DOCK3: variants seen among roughly 807,000 people sequenced by gnomAD.
DOCK3 encodes the protein dedicator of cytokinesis protein 3.
Under a neutral mutation model 265.6 loss-of-function variants are expected in DOCK3, and 60 were observed. The observed-to-expected ratio is 0.23, with a 90% confidence interval of 0.18 to 0.28. DOCK3 has a LOEUF of 0.28. Ranked by LOEUF, DOCK3 falls within the 10% of genes least tolerant of loss-of-function variation. DOCK3 has a pLI of 1.00. For missense variants in DOCK3, 1,981 were observed against 2,594.3 expected (o/e 0.76, Z 5.14); for synonymous variants, 881 against 938.0 (o/e 0.94, Z 1.11).
chr3:51,268,079 G>C (rs563983954), intron 23 of DOCK3, among the ~76,000 whole-genome samples: 2 of 152,022 alleles, frequency 1.3e-5, no homozygotes, highest in African/African-American at 4.8e-5. Context: ...ACCATGGCAC[G>C]TGTATACTTA....
At chr3:50,800,057 T>C (rs1324640469) in intron 2 of DOCK3, among the ~76,000 whole-genome samples, 1 of 152,222 alleles carries the variant, frequency 6.6e-6, no homozygotes, top group Non-Finnish European at 1.5e-5. Flanking sequence ...CACTTGGTTA[T>C]GGTTATCTTT....
At chr3:50,811,903 A>G (rs1021387776) in intron 2 of DOCK3, among the ~76,000 whole-genome samples, 15 of 152,244 alleles carry the variant, frequency 9.9e-5, no homozygotes, top group African/African-American at 3.1e-4. Flanking sequence ...AAGGGCTAAA[A>G]TAAGACTCAA....
chr3:50,978,724 G>T (rs1292369145), intron 5 of DOCK3, among the ~76,000 whole-genome samples: 3 of 152,226 alleles, frequency 2.0e-5, no homozygotes, highest in East Asian at 3.8e-4. Flanking sequence ...CTGGGCAATG[G>T]CGGGCGCCCC....
At chr3:51,372,517 C>T (rs1161966383) in intron 49 of DOCK3, among the ~76,000 whole-genome samples, 3 of 152,214 alleles carry the variant, frequency 2.0e-5, no homozygotes, top group African/African-American at 4.8e-5. Context: ...TATCTCCATC[C>T]TAACCCCCTC....
intron 5 of DOCK3, among the ~76,000 whole-genome samples, chr3:50,967,130 T>C (rs569973910): frequency 2.0e-5 from 3 of 152,306 alleles, no homozygotes; most frequent in Admixed American, 2.0e-4. Flanking sequence ...CTAGAACTTA[T>C]TCATTTAACT....
chr3:51,252,049 G>T (rs1212187729), intron 22 of DOCK3, among the ~76,000 whole-genome samples: 12 of 152,160 alleles, frequency 7.9e-5, no homozygotes, highest in Non-Finnish European at 4.4e-5. Context: ...TAAGGTGTAA[G>T]GAAGGGATCC....
chr3:50,779,735 A>G (rs2041820118), intron 2 of DOCK3, among the ~76,000 whole-genome samples: 1 of 152,196 alleles, frequency 6.6e-6, no homozygotes, highest in Non-Finnish European at 1.5e-5. Flanking sequence ...TCTGTGGCAT[A>G]TATGGGTATT....
Position 50,788,264 on chromosome 3 carries a change from G to A in DOCK3, c.121+9506G>A, listed in dbSNP as rs576886472. Reference sequence around the variant, plus strand: ...GCACAGTTTTCAACCAGCTCCTGACGAGAAGTGGCTGTGTGCCTCATTGGT... The same window carrying A: ...GCACAGTTTTCAACCAGCTCCTGACAAGAAGTGGCTGTGTGCCTCATTGGT... On this transcript the variant is annotated intron_variant, in intron 2 of 52. Coordinates refer to ENST00000266037, the MANE Select transcript of DOCK3 (RefSeq NM_004947.5). The A allele has an allele frequency of 2.1e-5, 13 of 608,802 alleles. 2 individuals carry two copies. The East Asian group carries it at 2.6e-4, about 12-fold the overall frequency. 37.7% of individuals were successfully genotyped at this position (608,802 alleles called of 1,614,324 possible).
At chr3:50,682,807 C>T (rs1470990541) in intron 1 of DOCK3, among the ~76,000 whole-genome samples, 7 of 152,172 alleles carry the variant, frequency 4.6e-5, no homozygotes, top group Non-Finnish European at 8.8e-5. Flanking sequence ...GGCATGGTGG[C>T]GCACGCCTGT....
chr3:51,091,250 T>G (rs1343183686), intron 9 of DOCK3, among the ~76,000 whole-genome samples: 5 of 152,208 alleles, frequency 3.3e-5, no homozygotes, highest in Non-Finnish European at 7.3e-5. Flanking sequence ...GGATATAGAT[T>G]CTGGCTGCTC....
intron 13 of DOCK3, 91 bp from the exon 14 acceptor site, chr3:51,214,031 C>T: frequency 6.4e-7 from 1 of 1,561,530 alleles, no homozygotes; most frequent in Non-Finnish European, 8.7e-7. Context: ...GAACTTTGCA[C>T]ATTTTCTTCT....
At chr3:51,109,604 G>A (rs930022872) in intron 9 of DOCK3, among the ~76,000 whole-genome samples, 3 of 151,964 alleles carry the variant, frequency 2.0e-5, no homozygotes, top group Non-Finnish European at 4.4e-5. Context: ...TAATAAAATA[G>A]TCCATTAGCT....
intron 22 of DOCK3, among the ~76,000 whole-genome samples, chr3:51,249,087 T>G (rs1378984898): frequency 1.4e-5 from 2 of 146,738 alleles, no homozygotes; most frequent in African/African-American, 5.1e-5. Context: ...AGCCACCCCG[T>G]CCGGGAGGGA....
rs1428306701 is a variant in DOCK3 at position 50,744,109 on chromosome 3, T to G, written c.38-34566T>G. ...TCTTTTATTAAAGTCCTTTGTCCATTTTGAATCAGGTTAAAATTGTTTGTA... is the reference window on the plus strand; with the variant it reads ...TCTTTTATTAAAGTCCTTTGTCCATGTTGAATCAGGTTAAAATTGTTTGTA... On this transcript the variant is annotated intron_variant, in intron 1 of 52. Coordinates refer to ENST00000266037, the MANE Select transcript of DOCK3 (RefSeq NM_004947.5). Among the ~76,000 whole-genome samples, 4 of 152,314 alleles carry G rather than the reference T, an allele frequency of 2.6e-5. No homozygotes were observed. In the East Asian group the frequency reaches 7.7e-4, roughly 29 times the overall value.
intron 1 of DOCK3, among the ~76,000 whole-genome samples, chr3:50,706,248 A>G (rs1410799827): frequency 6.6e-6 from 1 of 152,122 alleles, no homozygotes; most frequent in Non-Finnish European, 1.5e-5. Flanking sequence ...ACTAATACAG[A>G]TGTGGGACTC....
chr3:51,191,725 A>G (rs562150577), intron 12 of DOCK3, among the ~76,000 whole-genome samples: 1 of 151,968 alleles, frequency 6.6e-6, no homozygotes, highest in Non-Finnish European at 1.5e-5. Flanking sequence ...GTGAATCTCT[A>G]TGCACTATTG....
At chr3:50,904,745 GT>G (rs1361330327) in intron 4 of DOCK3, among the ~76,000 whole-genome samples, 29 of 152,206 alleles carry the variant, frequency 1.9e-4, no homozygotes, top group African/African-American at 5.5e-4. Context: ...TCTGATGGTA[GT>G]TTCTTTTGCT....
At chr3:51,002,741 T>C (rs768568320) in intron 5 of DOCK3, among the ~76,000 whole-genome samples, 1 of 152,212 alleles carries the variant, frequency 6.6e-6, no homozygotes, top group African/African-American at 2.4e-5. Context: ...TCACCCCTCC[T>C]ACTTGTTTAT....
rs1026746696 is a variant in DOCK3 at position 51,374,182 on chromosome 3, G to C, written c.5294-287G>C. Among the ~76,000 whole-genome samples the C allele has an allele frequency of 1.3e-5, 2 of 152,184 alleles. No individual in the cohort carries two copies. Among genetic ancestry groups the C allele is most frequent in the Non-Finnish European group, 2.9e-5 (2 of 68,032 alleles). On this transcript the variant is annotated intron_variant, in intron 49 of 52. Transcript: ENST00000266037. The surrounding 1 kb of genome is among the most constrained non-coding windows in gnomAD (Gnocchi z 4.8). ...GGGAGCCCCTAGCCACCCTGCTCCA[G>C]TTCTTAACTCTCCTCACCCTCTGCT... is the stretch of plus-strand genomic sequence containing the variant.
Sources: gnomAD v4.1 joint callset for allele counts (sites outside exome capture counted in the v4.1 genomes callset) on GRCh38, gnomAD v4.1.1 for gene constraint, Gnocchi (gnomAD v3.1) non-coding constraint, MANE v1.5 for transcripts, NCBI Gene and HGNC (gene_info 2026-07-23, HGNC 2026-07-21) for gene names.